Variants in SPTA1 observed in about 807,000 individuals in gnomAD.
The protein encoded by SPTA1 is spectrin alpha chain, erythrocytic 1.
SPTA1 carries 177 observed loss-of-function variants against 324.7 expected under a neutral mutation model. The observed-to-expected ratio is 0.55, with a 90% CI of 0.48 to 0.62. The LOEUF is 0.62. SPTA1 is among the 20% of genes least tolerant of loss of function. The pLI, the probability that SPTA1 is intolerant of heterozygous loss-of-function variation, is 0.00. For missense variants in SPTA1, 3,162 were observed against 2,883.6 expected, an observed-to-expected ratio of 1.10 and a Z score of -2.21; for synonymous variants, 1,195 against 1,041.3, an observed-to-expected ratio of 1.15 and a Z score of -2.84.
In SPTA1 at chr1:158,668,038, C is replaced by G; in HGVS notation, c.1858G>C (p.Val620Leu). 1.9e-6 allele frequency: 3 copies of G among 1,611,270 alleles called. No individual in the cohort carries two copies. Among genetic ancestry groups the G allele is most frequent in the Non-Finnish European group, 2.5e-6 (3 of 1,179,752 alleles). The change falls in exon 15 of 52, where the codon GTT becomes CTT. Residue 620 changes from valine to leucine, a missense_variant. Coordinates refer to ENST00000643759, the MANE Select transcript of SPTA1 (RefSeq NM_003126.4). Reference protein sequence around the residue: ...YKDIQNLKSRVQKQQVFEKEL... With the variant: ...YKDIQNLKSRLQKQQVFEKEL... ...TTTTCAAAGACTTGCTGCTTTTGAA[C>G]CCTGCTCTTCAAGTTCTGTATGTCC...
rs1384366217 is a variant in SPTA1, at chr1:158,657,466, C to T, written c.2805+11G>A. 4 of 1,485,790 alleles carry T rather than the reference C, an allele frequency of 2.7e-6. No individual in the cohort carries two copies. The highest frequency in any genetic ancestry group is 1.7e-5 in the Admixed American group (1 of 59,790). The allele number at this position is 1,485,790 out of a possible 1,614,324, so 92.0% of individuals were successfully genotyped here. A position where few individuals can be genotyped will look rare whatever the true frequency, so the allele number is the denominator to read the frequency against. On this transcript the variant is annotated intron_variant, in intron 19 of 51. Coordinates refer to ENST00000643759, the MANE Select transcript of SPTA1 (RefSeq NM_003126.4). ...TGAGGATTCACAATGTTAAACCCACCCCCACCTTACCCCAGCTGCTTCTTC... is the reference window on the plus strand; with the variant it reads ...TGAGGATTCACAATGTTAAACCCACTCCCACCTTACCCCAGCTGCTTCTTC...
chr1:158,634,824 T>C, intron 38 of SPTA1, 149 bp from the exon 39 acceptor site: 1 of 851,830 alleles, frequency 1.2e-6, no homozygotes, highest in African/African-American at 1.7e-5. Context: ...GTATAATAGG[T>C]GCCTACTGCT....
rs3835726 is a variant in SPTA1 at position 158,684,797 on chromosome 1, A to T, written c.264+311T>A. Among the ~76,000 whole-genome samples the T allele has an allele frequency of 0.2, 29,729 of 152,110 alleles. 2,989 individuals are homozygous for T. Among genetic ancestry groups the T allele is most frequent in the South Asian group, 0.25 (1,186 of 4,822 alleles). ...TAAGCAATATCCTTGGTTAATGATT[A>T]AAAAATGTATATTCTGAATGGAAGT... is the stretch of plus-strand genomic sequence containing the variant. On this transcript the variant is annotated intron_variant, in intron 2 of 51. Transcript: ENST00000643759.
At chr1:158,681,329 A>T (rs1478289099) in intron 4 of SPTA1, among the ~76,000 whole-genome samples, 198 bp downstream of exon 4, 1 of 152,062 alleles carries the variant, frequency 6.6e-6, no homozygotes, top group Admixed American at 6.6e-5. Flanking sequence ...ATTCAGATCC[A>T]TATGTTAAGA....
At chr1:158,681,496 C>T in intron 4 of SPTA1, 31 bp downstream of exon 4, 1 of 1,613,248 alleles carries the variant, frequency 6.2e-7, no homozygotes, top group Non-Finnish European at 8.5e-7. Context: ...GAGTGGGAGG[C>T]CCTGTGTGAT....
chr1:158,673,681 A>T (rs1412249114), intron 10 of SPTA1, among the ~76,000 whole-genome samples: 1 of 152,220 alleles, frequency 6.6e-6, no homozygotes. Context: ...TGGAGTTTAC[A>T]GTCTAGAGAT....
chr1:158,635,359 T>G (rs961270394), intron 38 of SPTA1, among the ~76,000 whole-genome samples: 4 of 152,052 alleles, frequency 2.6e-5, no homozygotes, highest in African/African-American at 9.7e-5. Context: ...CTTCTTTCTT[T>G]GCATTCTGCC....
chr1:158,652,419 A>T, intron 23 of SPTA1, 48 bp downstream of exon 23: 4 of 1,597,766 alleles, frequency 2.5e-6, no homozygotes, highest in Non-Finnish European at 3.4e-6. Context: ...ATGCTGAGGG[A>T]TAAAAGCAAA....
chr1:158,671,502 A>G (rs369009024), intron 11 of SPTA1, 49 bp from the exon 12 acceptor site: 209 of 1,463,308 alleles, frequency 1.4e-4, no homozygotes, highest in Non-Finnish European at 2.0e-4. Flanking sequence ...CCGGTAAGAA[A>G]CATTCCTCTT....
chr1:158,627,866 T>C (rs1487069453), intron 39 of SPTA1, 143 bp from the exon 40 acceptor site: 4 of 764,796 alleles, frequency 5.2e-6, no homozygotes, highest in South Asian at 3.0e-5. Flanking sequence ...TTTTCTGGAA[T>C]AACTATACTC....
chr1:158,642,695 T>C, intron 32 of SPTA1, 119 bp downstream of exon 32: 1 of 1,580,846 alleles, frequency 6.3e-7, no homozygotes, highest in South Asian at 1.1e-5. Flanking sequence ...CTCTGAAGTC[T>C]CTGAGAGCAG....
chr1:158,613,930 A>G (rs1649405287), intron 49 of SPTA1, 63 bp from the exon 50 acceptor site: 1 of 1,552,728 alleles, frequency 6.4e-7, no homozygotes, highest in Non-Finnish European at 8.8e-7. Context: ...GTGAGAACAG[A>G]AAGGAATATG....
At chr1:158,681,798 C>T (rs929887801) in intron 3 of SPTA1, 131 bp from the exon 4 acceptor site, 2 of 1,187,430 alleles carry the variant, frequency 1.7e-6, no homozygotes, top group African/African-American at 1.5e-5. Context: ...GCTCAACAAA[C>T]ATTTAAAAGA....
Position 158,647,693 on chromosome 1 carries a change from G to A in SPTA1, c.3742C>T (p.Arg1248Trp), listed in dbSNP as rs200714808. The A allele has an allele frequency of 8.1e-5, 130 of 1,613,796 alleles. No individual in the cohort carries two copies. The African/African-American group carries it at 1.4e-3, about 18-fold the overall frequency. Residue 1248 changes from arginine to tryptophan, a missense_variant, in exon 27 of 52, where the codon CGG (arginine) becomes TGG (tryptophan). Physicochemically the swap from Arg to Trp is moderately radical, Grantham distance 101 (BLOSUM62 -3). Transcript: ENST00000643759. ...GCATCTGGATGGGACTCACTGAGCC[G>A]CTCTGCTGTCTCCCCCAGTATGGTC... is the stretch of plus-strand genomic sequence containing the variant. ...KVTILGETAE[R>W]LSESHPDATE...
At chr1:158,683,227 T>C (rs532942029) in intron 3 of SPTA1, 144 bp downstream of exon 3, 4 of 1,146,768 alleles carry the variant, frequency 3.5e-6, no homozygotes, top group Non-Finnish European at 5.1e-6. Flanking sequence ...CCCATCATTT[T>C]TTATGCCTCA....
chr1:158,651,163 C>T (rs1343670560), intron 24 of SPTA1, among the ~76,000 whole-genome samples: 3 of 152,166 alleles, frequency 2.0e-5, no homozygotes, highest in East Asian at 1.9e-4. Flanking sequence ...AATGAGCCTG[C>T]TTTAATTAAG....
chr1:158,643,484 C>A, intron 30 of SPTA1, 59 bp from the exon 31 acceptor site: 1 of 1,483,088 alleles, frequency 6.7e-7, no homozygotes, highest in East Asian at 2.3e-5. Context: ...TGGTGCAATC[C>A]CAGACTCCCT....
rs1649834252 is a variant in SPTA1, at chr1:158,620,436, T to C, written c.6151A>G (p.Lys2051Glu). The C allele has an allele frequency of 1.2e-6, 2 of 1,613,200 alleles. No homozygotes were observed. Among genetic ancestry groups the C allele is most frequent in the Non-Finnish European group, 1.7e-6 (2 of 1,180,038 alleles). Residue 2051 changes from lysine (K) to glutamate (E), a missense_variant, in exon 44 of 52, where the codon AAG becomes GAG. Coordinates refer to ENST00000643759, the MANE Select transcript of SPTA1 (RefSeq NM_003126.4). ...CACCAGTTGTTCAAAGCTGAAGCCT[T>C]ATGTGCAAATTCCACGAACAGGTCC... ...AEDLFVEFAH[K>E]ASALNNWCEK... is the part of the protein sequence containing the mutation.
At chr1:158,619,193 G>T (rs1557922754) in intron 45 of SPTA1, 29 bp downstream of exon 45, 1 of 1,595,996 alleles carries the variant, frequency 6.3e-7, no homozygotes. Context: ...TGGCACAGGG[G>T]TCATGGTTTG....
Sources: allele counts gnomAD v4.1 joint callset (sites outside exome capture counted in the v4.1 genomes callset), GRCh38; gene constraint gnomAD v4.1.1; transcripts MANE v1.5; gene names NCBI Gene and HGNC (gene_info 2026-07-23, HGNC 2026-07-21).